RARS2: variants seen among roughly 807,000 people sequenced by gnomAD.
RARS2 encodes the protein probable arginine--tRNA ligase, mitochondrial.
In RARS2, 67 loss-of-function variants were observed where a neutral mutation model predicts 88.5. That is an observed-to-expected ratio of 0.76 (90% confidence interval 0.62 to 0.93). The LOEUF (loss-of-function observed/expected upper bound fraction) is 0.93. Ranked by LOEUF, RARS2 falls within the 40% of genes least tolerant of loss-of-function variation. The pLI, the probability that RARS2 is intolerant of heterozygous loss-of-function variation, is 0.00. For synonymous variants in RARS2, 239 were observed against 230.3 expected (o/e 1.04, Z -0.34); for missense variants, 664 against 684.2 (o/e 0.97, Z 0.33).
chr6:87,555,372 T>C (rs1347819878), intron 5 of RARS2, 36 bp downstream of exon 5: 4 of 1,527,128 alleles, frequency 2.6e-6, no homozygotes, highest in Non-Finnish European at 2.7e-6. Flanking sequence ...CCCAGTCAAC[T>C]TGATTAAGCA....
At position 87,530,484 on chromosome 6, in the gene RARS2, A is replaced by C. The variant is rs13204592; in HGVS notation, c.771+300T>G. ...CCACCAAATGTTTATTAAATGAATC[A>C]GTTTATTAACCATCACATACCAGCC... On this transcript the variant is annotated intron_variant, in intron 9 of 19. Coordinates refer to ENST00000369536, the MANE Select transcript of RARS2 (RefSeq NM_020320.5). Among the ~76,000 whole-genome samples, 9,380 of 152,290 alleles carry C rather than the reference A, an allele frequency of 0.062. 345 individuals carry two copies. Among genetic ancestry groups the C allele is most frequent in the African/African-American group, 0.11 (4,556 of 41,536 alleles).
chr6:87,541,775 G>A (rs1781044549), intron 8 of RARS2, 143 bp downstream of exon 8: 1 of 617,472 alleles, frequency 1.6e-6, no homozygotes, highest in East Asian at 3.6e-5. Context: ...AGTGAGCTGA[G>A]ATTGCACCAC....
At chr6:87,525,004 C>A (rs745801277) in intron 10 of RARS2, among the ~76,000 whole-genome samples, 1 of 152,128 alleles carries the variant, frequency 6.6e-6, no homozygotes, top group Non-Finnish European at 1.5e-5. Context: ...TTATAACATT[C>A]AATATTGGGA....
Position 87,557,338 on chromosome 6 carries a change from G to T in RARS2, c.298-1833C>A, listed in dbSNP as rs570365646. ...AGAATAGTGTCTGTCGTAAACTAGG[G>T]TCCCAGTATTATTAGTCCAAGAATA... On this transcript the variant is annotated intron_variant, in intron 4 of 19. Coordinates refer to ENST00000369536, the MANE Select transcript of RARS2 (RefSeq NM_020320.5). Among the ~76,000 whole-genome samples, 29 of 152,254 alleles carry T rather than the reference G, an allele frequency of 1.9e-4. No homozygotes were observed. In the East Asian group the frequency reaches 5.2e-3, roughly 27 times the overall value.
chr6:87,527,503 T>C (rs904247418), intron 10 of RARS2, among the ~76,000 whole-genome samples: 13 of 152,180 alleles, frequency 8.5e-5, no homozygotes, highest in African/African-American at 3.1e-4. Flanking sequence ...CAAAGATTTC[T>C]TGGAGCTAGT....
At chr6:87,539,749 G>A (rs1472160557) in intron 8 of RARS2, among the ~76,000 whole-genome samples, 1 of 152,164 alleles carries the variant, frequency 6.6e-6, no homozygotes. Flanking sequence ...GCTGGCGAGT[G>A]TACCCTTTCT....
chr6:87,553,839 G>C (rs2128140042), intron 5 of RARS2, among the ~76,000 whole-genome samples: 1 of 152,232 alleles, frequency 6.6e-6, no homozygotes, highest in Non-Finnish European at 1.5e-5. Flanking sequence ...GGCAGTTTTA[G>C]AGTCATTCAT....
chr6:87,574,593 G>A (rs954653782), intron 1 of RARS2, among the ~76,000 whole-genome samples: 1 of 152,092 alleles, frequency 6.6e-6, no homozygotes, highest in Non-Finnish European at 1.5e-5. Flanking sequence ...AATAGGGAGG[G>A]AGGCACAGAC....
intron 10 of RARS2, among the ~76,000 whole-genome samples, chr6:87,528,768 G>A (rs1403000653): frequency 6.6e-6 from 1 of 152,170 alleles, no homozygotes; most frequent in Non-Finnish European, 1.5e-5. Context: ...CAAAGTTTTA[G>A]GTAAACAGGA....
At chr6:87,546,248 G>T (rs982291266) in intron 6 of RARS2, among the ~76,000 whole-genome samples, 18 of 152,006 alleles carry the variant, frequency 1.2e-4, no homozygotes, top group African/African-American at 4.3e-4. Context: ...TTCCTTCTTG[G>T]GTGCCCTCAT....
At chr6:87,528,584 T>C (rs899719389) in intron 10 of RARS2, among the ~76,000 whole-genome samples, 1 of 152,242 alleles carries the variant, frequency 6.6e-6, no homozygotes, top group Admixed American at 6.5e-5. Context: ...TCCTGTCATT[T>C]GTGACAACAT....
intron 5 of RARS2, among the ~76,000 whole-genome samples, chr6:87,550,883 A>G (rs1454492849): frequency 6.6e-6 from 1 of 151,844 alleles, no homozygotes; most frequent in East Asian, 1.9e-4. Context: ...GAACATCTCT[A>G]GGAGGGTGAA....
intron 6 of RARS2, among the ~76,000 whole-genome samples, chr6:87,547,640 T>C (rs893955354): frequency 1.3e-5 from 2 of 151,916 alleles, no homozygotes; most frequent in Non-Finnish European, 2.9e-5. Context: ...GAAATAGTCT[T>C]TTTTCTTTTC....
chr6:87,561,182 A>C (rs1787745993), intron 4 of RARS2, among the ~76,000 whole-genome samples: 2 of 152,230 alleles, frequency 1.3e-5, no homozygotes, highest in African/African-American at 2.4e-5. Context: ...AGCTCAGAGT[A>C]GTCTCAGCTA....
At chr6:87,559,191 T>C (rs1346336090) in intron 4 of RARS2, among the ~76,000 whole-genome samples, 1 of 151,706 alleles carries the variant, frequency 6.6e-6, no homozygotes, top group Non-Finnish European at 1.5e-5. Context: ...AGCTGAGATA[T>C]AAAGAAAAAT....
chr6:87,589,887 C>G (rs1776482921), intron 1 of RARS2, 35 bp downstream of exon 1: 2 of 1,614,222 alleles, frequency 1.2e-6, no homozygotes, highest in Non-Finnish European at 1.7e-6. Flanking sequence ...TCCCTAGCTC[C>G]TCAGGGACTC....
In RARS2 at chr6:87,587,393, TTATTATTTATCC is replaced by T. The variant is rs2128231926; in HGVS notation, c.36+2517_36+2528del. On this transcript the variant is annotated intron_variant, in intron 1 of 19. Transcript: ENST00000369536. Reference sequence around the variant, plus strand: ...CCCATGTCCTAACGTATTGAAAATATTATTATTTATCCTCAAGTTTCAGATCATTCCCCAATG... The same window carrying T: ...CCCATGTCCTAACGTATTGAAAATATTCAAGTTTCAGATCATTCCCCAATG... 1.3e-5 allele frequency among the ~76,000 whole-genome samples: 2 copies of T among 152,324 alleles called. 1 individual carries two copies. The highest frequency in any genetic ancestry group is 4.1e-4 in the South Asian group (2 of 4,830).
At chr6:87,544,468 C>T (rs1353619931) in intron 7 of RARS2, among the ~76,000 whole-genome samples, 1 of 152,158 alleles carries the variant, frequency 6.6e-6, no homozygotes, top group African/African-American at 2.4e-5. Flanking sequence ...AAGACAGGAG[C>T]CTTACCATAC....
chr6:87,547,548 CAT>C (rs1238312112), intron 6 of RARS2, among the ~76,000 whole-genome samples: 5 of 152,048 alleles, frequency 3.3e-5, no homozygotes, highest in East Asian at 3.8e-4. Context: ...TGCTGTATGA[CAT>C]GTGTTAAATG....
Sources: allele counts gnomAD v4.1 joint callset (sites outside exome capture counted in the v4.1 genomes callset), GRCh38; gene constraint gnomAD v4.1.1; transcripts MANE v1.5; gene names NCBI Gene and HGNC (gene_info 2026-07-23, HGNC 2026-07-21).